Variants in NALF1 observed in about 807,000 individuals in gnomAD.
NALF1 encodes the protein family with sequence similarity 155 member A.
A neutral mutation model predicts 48.4 loss-of-function variants in NALF1; 3 were observed. The ratio of observed to expected loss-of-function variants is 0.06; its 90% CI spans 0.03 to 0.16. The LOEUF (loss-of-function observed/expected upper bound fraction) is 0.16, where lower values mean the gene tolerates loss of function less well. Ranked by LOEUF, NALF1 falls within the 10% of genes least tolerant of loss-of-function variation. NALF1 has a pLI of 1.00. For missense variants in NALF1, 526 were observed against 571.5 expected, an observed-to-expected ratio of 0.92 and a Z score of 0.81; for synonymous variants, 262 against 245.7, an observed-to-expected ratio of 1.07 and a Z score of -0.62.
At chr13:107,248,165 C>G (rs1880621213) in intron 1 of NALF1, among the ~76,000 whole-genome samples, 1 of 151,666 alleles carries the variant, frequency 6.6e-6, no homozygotes, top group African/African-American at 2.4e-5. Context: ...AAAAAGAGGA[C>G]AAGAAGACAA....
At chr13:107,711,375 T>G (rs4772913) in intron 1 of NALF1, among the ~76,000 whole-genome samples, 124,433 of 152,168 alleles carry the variant, frequency 0.82, 51,300 homozygotes, top group East Asian at 0.93. Context: ...TCGCCCTGTC[T>G]CCCAGGCGGG....
intron 1 of NALF1, among the ~76,000 whole-genome samples, chr13:107,616,066 C>G (rs1159534141): frequency 3.3e-5 from 5 of 152,076 alleles, no homozygotes; most frequent in African/African-American, 1.2e-4. Flanking sequence ...TAAATGACAC[C>G]ACCTCTCTTA....
chr13:107,442,060 T>C (rs976065803), intron 1 of NALF1, among the ~76,000 whole-genome samples: 3 of 152,238 alleles, frequency 2.0e-5, no homozygotes, highest in Admixed American at 6.5e-5. Flanking sequence ...CAAAGAGTGC[T>C]ATTTGGGGAA....
chr13:107,302,149 C>T (rs1476585861), intron 1 of NALF1, among the ~76,000 whole-genome samples: 1 of 152,178 alleles, frequency 6.6e-6, no homozygotes, highest in Non-Finnish European at 1.5e-5. Context: ...GAGACTTGAG[C>T]TCGCAAGCTC....
chr13:107,825,332 A>C (rs912779317), intron 1 of NALF1, among the ~76,000 whole-genome samples: 4 of 152,198 alleles, frequency 2.6e-5, no homozygotes, highest in Non-Finnish European at 5.9e-5. Context: ...TCTCTAACCT[A>C]ACCTAAATGA....
chr13:107,229,012 T>C (rs1880165512), intron 1 of NALF1, among the ~76,000 whole-genome samples: 1 of 152,106 alleles, frequency 6.6e-6, no homozygotes, highest in African/African-American at 2.4e-5. Context: ...GTAAAACCGA[T>C]TATCCTCTGT....
At position 107,287,700 on chromosome 13, in the gene NALF1, TTC is replaced by T. The variant is rs201800896; in HGVS notation, c.916-76947_916-76946del. On this transcript the variant is annotated intron_variant, in intron 1 of 2. Coordinates refer to ENST00000375915, the MANE Select transcript of NALF1 (RefSeq NM_001080396.3). ...TGTTTTTCTTTTCCTTTCTTTTCTT[TTC>T]TTTCTTTTTTTTTTTTTTTTTGAGA... Among the ~76,000 whole-genome samples, 58 of 102,784 alleles carry T rather than the reference TTC, an allele frequency of 5.6e-4. 1 individual carries two copies. The East Asian group carries it at 0.016, about 28-fold the overall frequency. 67.4% of individuals were successfully genotyped at this position (102,784 alleles called of 152,430 possible).
At chr13:107,608,481 G>C (rs1254623083) in intron 1 of NALF1, among the ~76,000 whole-genome samples, 1 of 152,114 alleles carries the variant, frequency 6.6e-6, no homozygotes, top group African/African-American at 2.4e-5. Context: ...TAGGTTCTAG[G>C]GTGGCTTGTT....
At chr13:107,606,864 T>A (rs1254310412) in intron 1 of NALF1, among the ~76,000 whole-genome samples, 1 of 152,174 alleles carries the variant, frequency 6.6e-6, no homozygotes. Context: ...CTATCTGTCC[T>A]GAAAAGTGAA....
intron 1 of NALF1, among the ~76,000 whole-genome samples, chr13:107,637,958 G>T (rs550162885): frequency 2.0e-5 from 3 of 151,742 alleles, no homozygotes; most frequent in East Asian, 2.0e-4. Flanking sequence ...CCTTAGAAAC[G>T]TCACCATGGT....
chr13:107,639,605 GT>G (rs1353086491), intron 1 of NALF1, among the ~76,000 whole-genome samples: 1 of 151,978 alleles, frequency 6.6e-6, no homozygotes, highest in African/African-American at 2.4e-5. Flanking sequence ...CCATACCACT[GT>G]GTGTTTAGGA....
intron 1 of NALF1, among the ~76,000 whole-genome samples, chr13:107,756,612 G>A (rs1877104479): frequency 6.6e-6 from 1 of 151,866 alleles, no homozygotes; most frequent in Admixed American, 6.6e-5. Context: ...TATTAAACAC[G>A]CATGCTAAAT....
intron 1 of NALF1, among the ~76,000 whole-genome samples, chr13:107,535,291 C>T (rs1181094094): frequency 6.6e-6 from 1 of 152,060 alleles, no homozygotes; most frequent in Non-Finnish European, 1.5e-5. Context: ...AGTTTTTGCC[C>T]ATTCAGTATG....
At chr13:107,330,390 C>T (rs934960481) in intron 1 of NALF1, among the ~76,000 whole-genome samples, 2 of 152,146 alleles carry the variant, frequency 1.3e-5, no homozygotes, top group East Asian at 1.9e-4. Context: ...ATTTAAATTT[C>T]GATCTGTATT....
At chr13:107,671,804 G>C (rs750984956) in intron 1 of NALF1, among the ~76,000 whole-genome samples, 3 of 152,070 alleles carry the variant, frequency 2.0e-5, no homozygotes, top group East Asian at 3.9e-4. Context: ...GGACAGGTTA[G>C]GTTGATGCAA....
At chr13:107,567,076 C>T (rs1227407410) in intron 1 of NALF1, among the ~76,000 whole-genome samples, 1 of 152,006 alleles carries the variant, frequency 6.6e-6, no homozygotes, top group Non-Finnish European at 1.5e-5. Context: ...TGAAAAAATG[C>T]TACACTCCTG....
At chr13:107,255,804 G>T (rs1195993584) in intron 1 of NALF1, among the ~76,000 whole-genome samples, 1 of 152,080 alleles carries the variant, frequency 6.6e-6, no homozygotes, top group Non-Finnish European at 1.5e-5. Context: ...CCAAAAATCT[G>T]AACTCAGTTT....
rs910069429 is a variant in NALF1 at position 107,523,633 on chromosome 13, G to A, written c.916-312878C>T. 6.0e-5 allele frequency among the ~76,000 whole-genome samples: 9 copies of A among 150,324 alleles called. 1 individual carries two copies. The highest frequency in any genetic ancestry group is 2.0e-4 in the Admixed American group (3 of 14,930). On this transcript the variant is annotated intron_variant, in intron 1 of 2. Coordinates refer to ENST00000375915, the MANE Select transcript of NALF1 (RefSeq NM_001080396.3). ...GTCAATGAGGTAACGGTTGGAGCAG[G>A]AGAGATTGCCTTCTTAAGGGTGGCT...
chr13:107,204,008 G>T (rs1879580050), intron 2 of NALF1, among the ~76,000 whole-genome samples: 1 of 133,162 alleles, frequency 7.5e-6, no homozygotes, highest in Non-Finnish European at 1.7e-5. Context: ...AGGCAGAGAG[G>T]GGCGCCCACA....
Sources: allele counts gnomAD v4.1 joint callset (sites outside exome capture counted in the v4.1 genomes callset), GRCh38; gene constraint gnomAD v4.1.1; transcripts MANE v1.5; gene names NCBI Gene and HGNC (gene_info 2026-07-23, HGNC 2026-07-21).